The following H3C6 variants were observed in gnomAD, a reference collection of about 807,000 sequenced individuals.
H3C6 encodes the protein H3 clustered histone 6, also known as histone H3.1.
H3C6 carries 17 observed loss-of-function variants against 8.0 expected under a neutral mutation model. The ratio of observed to expected loss-of-function variants is 2.13; its 90% CI spans 1.46 to 3.19. The LOEUF is 3.19. H3C6 is among the 30% of genes most tolerant of loss of function. The probability of loss-of-function intolerance (pLI) is 0.00; values close to 1 mark genes in which losing one functional copy is unlikely to be tolerated. For missense variants in H3C6, 298 were observed against 193.8 expected (o/e 1.54, Z -3.19); for synonymous variants, 169 against 78.0 (o/e 2.17, Z -6.15).
At chr6:26,224,994 C>A (rs759884564), upstream of H3C6, 160 of 748,766 alleles carry the variant, frequency 2.1e-4, no homozygotes, top group Non-Finnish European at 3.1e-4. Flanking sequence ...CAATCAGAAT[C>A]TTGCACTGAA....
downstream of H3C6, chr6:26,226,283 T>C (rs1241882584): frequency 2.0e-5 from 3 of 152,240 alleles, no homozygotes; most frequent in African/African-American, 4.8e-5. Context: ...GTCTCAAACC[T>C]GAGTGCGAAA....
downstream of H3C6, chr6:26,226,996 TAATA>T (rs1458916818): frequency 6.6e-6 from 1 of 152,166 alleles, no homozygotes; most frequent in East Asian, 1.9e-4. Flanking sequence ...GTGGTAAAAT[TAATA>T]GTGACAAAGC....
chr6:26,225,110 A>C, upstream of H3C6: 1 of 1,518,472 alleles, frequency 6.6e-7, no homozygotes, highest in Middle Eastern at 1.8e-4. Flanking sequence ...TCCTATATAG[A>C]GGGGCAAACC....
At chr6:26,227,108 T>C (rs1285513192), downstream of H3C6, 1 of 152,216 alleles carries the variant, frequency 6.6e-6, no homozygotes, top group Non-Finnish European at 1.5e-5. Context: ...CATGAAGATG[T>C]GGGTCTTGTG....
chr6:26,224,999 A>C (rs936806430), upstream of H3C6: 1 of 776,046 alleles, frequency 1.3e-6, no homozygotes, highest in Admixed American at 2.9e-5. Context: ...AGAATCTTGC[A>C]CTGAAAAAAT....
chr6:26,226,359 T>A (rs1759557761), downstream of H3C6: 1 of 138,732 alleles, frequency 7.2e-6, no homozygotes, highest in Non-Finnish European at 1.5e-5. Context: ...CTTTTTTCTT[T>A]TCTTATTTAT....
At position 26,225,172 on chromosome 6, in the gene H3C6, G is replaced by A. The variant is rs752191663; in HGVS notation, c.18G>A (p.Gln6=). ...GATGAACTATGGCGCGTACTAAGCA[G>A]ACGGCTCGTAAATCCACAGGCGGTA... is the stretch of plus-strand genomic sequence containing the variant. The part of the protein sequence containing the change: MARTK[Q]TARKSTGGKA... The change falls in exon 1 of 1, where the codon CAG becomes CAA. Residue 6 remains glutamine, a synonymous_variant. Coordinates refer to ENST00000614911, the MANE Select transcript of H3C6 (RefSeq NM_003532.3). 4 of 1,573,772 alleles carry A rather than the reference G, an allele frequency of 2.5e-6. No individual in the cohort carries two copies. Among genetic ancestry groups the A allele is most frequent in the East Asian group, 2.2e-5 (1 of 44,682 alleles).
At chr6:26,226,111 G>A (rs944343107), downstream of H3C6, 4 of 153,926 alleles carry the variant, frequency 2.6e-5, no homozygotes, top group Non-Finnish European at 5.8e-5. Context: ...TGCCTTGGGT[G>A]CGGTCAACGT....
downstream of H3C6, chr6:26,225,827 C>T: frequency 5.1e-6 from 2 of 392,246 alleles, no homozygotes; most frequent in Non-Finnish European, 9.1e-6. Context: ...GCTGTTCAGG[C>T]CCTCTGCTGC....
upstream of H3C6, chr6:26,224,920 C>T (rs1581465786): frequency 2.4e-6 from 1 of 416,684 alleles, no homozygotes; most frequent in African/African-American, 2.0e-5. Flanking sequence ...CTACGTGAAA[C>T]ATCAAAGAAA....
At chr6:26,225,107 T>TA, upstream of H3C6, 14 of 1,517,070 alleles carry the variant, frequency 9.2e-6, no homozygotes, top group Non-Finnish European at 1.2e-5. Context: ...TGTTCCTATA[T>TA]AGAGGGGCAA....
Position 26,225,589 on chromosome 6 carries a change from A to G in H3C6, c.*24A>G, listed in dbSNP as rs1561993092. 1.3e-6 allele frequency: 2 copies of G among 1,598,062 alleles called. No individual in the cohort carries two copies. The highest frequency in any genetic ancestry group is 1.1e-5 in the South Asian group (1 of 88,954). ...GAATTGTTTTGAGTACAAACCTTAA[A>G]TCCAAAGGCTCTTCTCAGAGCCAAC... is the stretch of plus-strand genomic sequence containing the variant. On this transcript the variant is annotated 3_prime_UTR_variant, in exon 1 of 1. Transcript: ENST00000614911.
In H3C6 at chr6:26,225,600, C is replaced by G. The variant is rs750002449; in HGVS notation, c.*35C>G. The G allele has an allele frequency of 9.5e-6, 15 of 1,583,160 alleles. No homozygotes were observed. In the Admixed American group the frequency reaches 2.4e-4, roughly 25 times the overall value. On this transcript the variant is annotated 3_prime_UTR_variant, in exon 1 of 1. Transcript: ENST00000614911. ...AGTACAAACCTTAAATCCAAAGGCT[C>G]TTCTCAGAGCCAACCACTTTGTCCG...
Position 26,225,146 on chromosome 6 carries a change from AG to A in H3C6, c.-8del, listed in dbSNP as rs555627628. ...AATCTTCCTAACTCATTTACTTTGC[AG>A]ATGAACTATGGCGCGTACTAAGCAG... On this transcript the variant is annotated 5_prime_UTR_variant, in exon 1 of 1. Transcript: ENST00000614911. 1.0e-3 allele frequency: 1,591 copies of A among 1,535,372 alleles called. 3 individuals carry two copies. The highest frequency in any genetic ancestry group is 1.3e-3 in the Non-Finnish European group (1,511 of 1,143,816).
chr6:26,225,026 T>C (rs1453713504), upstream of H3C6: 2 of 1,002,050 alleles, frequency 2.0e-6, no homozygotes, highest in African/African-American at 3.3e-5. Context: ...ATCGTGAATC[T>C]CTACGGCCAC....
upstream of H3C6, chr6:26,225,102 C>G (rs1291843286): frequency 1.6e-4 from 249 of 1,509,648 alleles, no homozygotes; most frequent in Non-Finnish European, 1.4e-4. Flanking sequence ...GATTCTGTTC[C>G]TATATAGAGG....
chr6:26,224,806 T>A (rs571201294), upstream of H3C6: 2 of 162,976 alleles, frequency 1.2e-5, no homozygotes, highest in East Asian at 1.8e-4. Flanking sequence ...GGAAAAAAAA[T>A]TCTAAAGCAC....
downstream of H3C6, chr6:26,226,523 C>G (rs562333623): frequency 2.0e-5 from 3 of 152,390 alleles, no homozygotes; most frequent in African/African-American, 7.2e-5. Flanking sequence ...TTCCGAGTAG[C>G]TGGGATTACA....
downstream of H3C6, chr6:26,226,304 G>A (rs1212070882): frequency 1.3e-5 from 2 of 152,220 alleles, no homozygotes; most frequent in African/African-American, 4.8e-5. Flanking sequence ...GGAAAATGCA[G>A]AAATCATGAG....
Sources: allele counts gnomAD v4.1 joint callset, GRCh38; gene constraint gnomAD v4.1.1; transcripts MANE v1.5; gene names NCBI Gene and HGNC (gene_info 2026-07-23, HGNC 2026-07-21).